Variants in RORA observed in about 807,000 individuals in gnomAD.
The protein encoded by RORA is nuclear receptor ROR-alpha.
RORA carries 7 observed loss-of-function variants against 69.5 expected under a neutral mutation model. The observed-to-expected ratio is 0.10, with a 90% CI of 0.06 to 0.19. The LOEUF is 0.19. RORA is among the 10% of genes least tolerant of loss of function. The pLI is 1.00. For synonymous variants in RORA, 261 were observed against 240.8 expected (o/e 1.08, Z -0.78); for missense variants, 457 against 663.0 (o/e 0.69, Z 3.41).
At chr15:60,683,030 A>C (rs1472800571) in intron 1 of RORA, among the ~76,000 whole-genome samples, 4 of 152,078 alleles carry the variant, frequency 2.6e-5, no homozygotes, top group Non-Finnish European at 5.9e-5. Context: ...TTTTTCTTCC[A>C]GACAGGTTCT....
chr15:60,752,343 A>C (rs2071735860), intron 1 of RORA, among the ~76,000 whole-genome samples: 1 of 152,122 alleles, frequency 6.6e-6, no homozygotes, highest in South Asian at 2.1e-4. Flanking sequence ...ATCCTGACAA[A>C]TACAGTATGT....
intron 1 of RORA, among the ~76,000 whole-genome samples, chr15:61,058,820 A>G (rs1359697937): frequency 2.6e-5 from 4 of 152,224 alleles, no homozygotes; most frequent in East Asian, 1.9e-4. Context: ...TCTCTATGTT[A>G]TCGGCCTTTC....
chr15:61,179,537 C>A (rs1278093482), intron 1 of RORA, among the ~76,000 whole-genome samples: 1 of 152,038 alleles, frequency 6.6e-6, no homozygotes, highest in Non-Finnish European at 1.5e-5. Context: ...ATTTTCAGTT[C>A]TTGGATGGTA....
intron 1 of RORA, among the ~76,000 whole-genome samples, chr15:60,981,097 G>A (rs1169817903): frequency 1.5e-5 from 1 of 66,340 alleles, no homozygotes; most frequent in African/African-American, 7.3e-5. Context: ...TTGGTTTACA[G>A]TATTTTTTTT....
At chr15:60,570,169 G>A (rs984494467) in intron 2 of RORA, among the ~76,000 whole-genome samples, 2 of 152,082 alleles carry the variant, frequency 1.3e-5, no homozygotes, top group Non-Finnish European at 2.9e-5. Flanking sequence ...CACAGCCCGG[G>A]CACTTCATAA....
chr15:61,138,641 G>A (rs1344245936), intron 1 of RORA, among the ~76,000 whole-genome samples: 2 of 152,018 alleles, frequency 1.3e-5, no homozygotes, highest in East Asian at 1.9e-4. Context: ...AGATAGAGAA[G>A]CTCCTAGAGA....
At chr15:60,918,884 CAG>C (rs1213784188) in intron 1 of RORA, among the ~76,000 whole-genome samples, 1 of 151,988 alleles carries the variant, frequency 6.6e-6, no homozygotes, top group Non-Finnish European at 1.5e-5. Flanking sequence ...ACTTGTTAGG[CAG>C]AGAGTAAGGA....
intron 2 of RORA, among the ~76,000 whole-genome samples, chr15:60,536,718 G>A (rs934867927): frequency 6.6e-6 from 1 of 152,270 alleles, no homozygotes; most frequent in African/African-American, 2.4e-5. Context: ...CTGCTGGCTT[G>A]CCAGGAAACG....
At chr15:60,987,298 G>A (rs1894233923) in intron 1 of RORA, among the ~76,000 whole-genome samples, 1 of 152,162 alleles carries the variant, frequency 6.6e-6, no homozygotes, top group African/African-American at 2.4e-5. Context: ...AGGACGGTCT[G>A]TCTAATCATA....
chr15:61,056,271 G>C (rs987473597), intron 1 of RORA, among the ~76,000 whole-genome samples: 1 of 152,190 alleles, frequency 6.6e-6, no homozygotes, highest in Non-Finnish European at 1.5e-5. Flanking sequence ...CCTAAATCCT[G>C]TGAGGTGGTT....
chr15:61,026,148 T>C (rs28544911), intron 1 of RORA, among the ~76,000 whole-genome samples: 10,545 of 152,246 alleles, frequency 0.069, 402 homozygotes, highest in East Asian at 0.15. Context: ...CTACCACAAT[T>C]ATTATCAACC....
At chr15:60,638,190 C>T (rs1424540794) in intron 2 of RORA, among the ~76,000 whole-genome samples, 3 of 152,114 alleles carry the variant, frequency 2.0e-5, no homozygotes, top group Non-Finnish European at 4.4e-5. Context: ...ACCCATCTAT[C>T]TGTAGAAAAT....
intron 1 of RORA, among the ~76,000 whole-genome samples, chr15:61,035,496 A>C (rs1015466556): frequency 1.1e-4 from 17 of 152,160 alleles, no homozygotes; most frequent in African/African-American, 3.9e-4. Context: ...AGTCCTAAGA[A>C]TCTGGTCTGA....
chr15:60,689,649 A>G (rs1476507902), intron 1 of RORA, among the ~76,000 whole-genome samples: 4 of 152,132 alleles, frequency 2.6e-5, no homozygotes, highest in African/African-American at 9.7e-5. Context: ...CAGTCATCTG[A>G]ATACTTAGAC....
intron 1 of RORA, among the ~76,000 whole-genome samples, chr15:61,154,264 TA>T (rs1012063510): frequency 2.0e-5 from 3 of 152,068 alleles, no homozygotes; most frequent in Non-Finnish European, 4.4e-5. Flanking sequence ...GGTACAAAAG[TA>T]AAGGCCAAGA....
chr15:60,590,753 T>A (rs1470632229), intron 2 of RORA, among the ~76,000 whole-genome samples: 1 of 152,210 alleles, frequency 6.6e-6, no homozygotes, highest in Admixed American at 6.5e-5. Flanking sequence ...GAAATCTTAA[T>A]AATTTTTCCT....
intron 1 of RORA, among the ~76,000 whole-genome samples, chr15:61,011,532 C>T (rs1895085377): frequency 6.6e-6 from 1 of 151,904 alleles, no homozygotes; most frequent in East Asian, 1.9e-4. Flanking sequence ...AAAGAGGAAA[C>T]ACAGTGCCGT....
intron 1 of RORA, among the ~76,000 whole-genome samples, chr15:60,889,962 C>T (rs944638885): frequency 2.6e-5 from 4 of 152,154 alleles, no homozygotes; most frequent in Non-Finnish European, 5.9e-5. Context: ...TAAACAGCAT[C>T]AAGTAATTTA....
chr15:60,978,979 T>TTTTTTTTTTTTA (rs1893953471), intron 1 of RORA, among the ~76,000 whole-genome samples: 1 of 146,650 alleles, frequency 6.8e-6, no homozygotes, highest in Non-Finnish European at 1.5e-5. Context: ...TTTTTTTTTT[T>TTTTTTTTTTTTA]GAGACGGAGT....
Sources: gnomAD v4.1 joint callset for allele counts (sites outside exome capture counted in the v4.1 genomes callset) on GRCh38, gnomAD v4.1.1 for gene constraint, MANE v1.5 for transcripts, NCBI Gene and HGNC (gene_info 2026-07-23, HGNC 2026-07-21) for gene names.